The following SMARCC1 variants were observed in gnomAD, a reference collection of about 807,000 sequenced individuals.
SMARCC1 encodes the protein SWI/SNF complex subunit SMARCC1.
SMARCC1 carries 43 observed loss-of-function variants against 147.4 expected under a neutral mutation model. That is an observed-to-expected ratio of 0.29 (90% confidence interval 0.23 to 0.38). The LOEUF (loss-of-function observed/expected upper bound fraction) is 0.38. SMARCC1 is among the 10% of genes least tolerant of loss of function. The pLI is 1.00. For synonymous variants in SMARCC1, 495 were observed against 484.4 expected, an observed-to-expected ratio of 1.02 and a Z score of -0.29; for missense variants, 1,119 against 1,381.1, an observed-to-expected ratio of 0.81 and a Z score of 3.01.
At chr3:47,687,277 C>CA (rs1194201013) in intron 13 of SMARCC1, among the ~76,000 whole-genome samples, 1 of 152,062 alleles carries the variant, frequency 6.6e-6, no homozygotes, top group African/African-American at 2.4e-5. Context: ...CAGAAGCTAG[C>CA]AAAAAATATT....
chr3:47,712,603 G>A (rs561937008), intron 8 of SMARCC1, among the ~76,000 whole-genome samples: 2 of 152,144 alleles, frequency 1.3e-5, no homozygotes, highest in East Asian at 3.9e-4. Context: ...GTGAAATAAT[G>A]CGGGTATTAT....
intron 1 of SMARCC1, among the ~76,000 whole-genome samples, chr3:47,778,894 G>C (rs2035010173): frequency 6.6e-6 from 1 of 151,836 alleles, no homozygotes; most frequent in Non-Finnish European, 1.5e-5. Context: ...AGGCTGAGGT[G>C]GGAGAATCAC....
At chr3:47,665,427 G>T (rs192530157) in intron 19 of SMARCC1, among the ~76,000 whole-genome samples, 1 of 152,102 alleles carries the variant, frequency 6.6e-6, no homozygotes, top group Non-Finnish European at 1.5e-5. Flanking sequence ...TATAAATAGG[G>T]ATTTTCTAGA....
At chr3:47,623,164 C>A (rs1284574221) in intron 24 of SMARCC1, among the ~76,000 whole-genome samples, 15 of 84,994 alleles carry the variant, frequency 1.8e-4, no homozygotes, top group South Asian at 7.5e-4. Flanking sequence ...TTTAAAGAAG[C>A]AGGGTTCTTC....
chr3:47,685,796 G>A (rs1220253751), intron 14 of SMARCC1, among the ~76,000 whole-genome samples: 3 of 152,136 alleles, frequency 2.0e-5, no homozygotes, highest in Non-Finnish European at 4.4e-5. Flanking sequence ...GGCAGAGGTT[G>A]CAGTGAGTCG....
At chr3:47,755,145 A>G (rs2034680330) in intron 2 of SMARCC1, among the ~76,000 whole-genome samples, 1 of 152,144 alleles carries the variant, frequency 6.6e-6, no homozygotes, top group African/African-American at 2.4e-5. Context: ...CAGAAGGTGG[A>G]GGCTGCAGTG....
intron 9 of SMARCC1, among the ~76,000 whole-genome samples, chr3:47,708,088 T>C (rs956397036): frequency 3.6e-5 from 2 of 55,850 alleles, no homozygotes; most frequent in African/African-American, 6.3e-5. Flanking sequence ...TTTTTCTTTT[T>C]TTTTTTTTTT....
chr3:47,735,568 G>A (rs545344276), intron 5 of SMARCC1, among the ~76,000 whole-genome samples: 5 of 152,154 alleles, frequency 3.3e-5, no homozygotes, highest in East Asian at 1.9e-4. Context: ...TCAGGAGTTC[G>A]AGACCAGGCT....
chr3:47,748,050 C>T (rs1013043711), intron 2 of SMARCC1, among the ~76,000 whole-genome samples: 3 of 151,788 alleles, frequency 2.0e-5, no homozygotes, highest in African/African-American at 7.3e-5. Flanking sequence ...CCCAGCTACT[C>T]GGGAGGCTGA....
chr3:47,638,598 C>G (rs2033005256), intron 22 of SMARCC1, 127 bp downstream of exon 22: 2 of 708,644 alleles, frequency 2.8e-6, no homozygotes, highest in Admixed American at 4.6e-5. Flanking sequence ...TACCTTAAAC[C>G]AGCAAAGTCC....
At chr3:47,767,865 A>G (rs1644724268) in intron 2 of SMARCC1, among the ~76,000 whole-genome samples, 1 of 144,820 alleles carries the variant, frequency 6.9e-6, no homozygotes, top group African/African-American at 2.5e-5. Flanking sequence ...CAACAACAAA[A>G]AAACAGTGAA....
At chr3:47,751,198 G>T (rs893817283) in intron 2 of SMARCC1, among the ~76,000 whole-genome samples, 2 of 152,006 alleles carry the variant, frequency 1.3e-5, no homozygotes, top group East Asian at 1.9e-4. Flanking sequence ...GCGCCTGGCC[G>T]ACAAAGTAAC....
intron 26 of SMARCC1, among the ~76,000 whole-genome samples, chr3:47,596,239 T>G (rs1159957309): frequency 6.6e-6 from 1 of 152,128 alleles, no homozygotes. Flanking sequence ...CCTAATTTTC[T>G]GTGGGATGGA....
At chr3:47,750,392 G>A (rs972124439) in intron 2 of SMARCC1, among the ~76,000 whole-genome samples, 8 of 152,064 alleles carry the variant, frequency 5.3e-5, no homozygotes, top group African/African-American at 1.2e-4. Context: ...CCGGGATCGC[G>A]CCAGGGCACT....
intron 6 of SMARCC1, 25 bp downstream of exon 6, chr3:47,729,000 T>C (rs1336007733): frequency 1.3e-6 from 2 of 1,527,210 alleles, no homozygotes; most frequent in African/African-American, 1.4e-5. Context: ...TGAGCTCATC[T>C]GTTCACAACG....
chr3:47,704,499 G>A (rs1321144828), intron 10 of SMARCC1, among the ~76,000 whole-genome samples: 1 of 151,996 alleles, frequency 6.6e-6, no homozygotes, highest in East Asian at 1.9e-4. Context: ...ATCACATCTT[G>A]GTTCAATAAC....
At chr3:47,753,345 G>C (rs1407382783) in intron 2 of SMARCC1, among the ~76,000 whole-genome samples, 1 of 139,708 alleles carries the variant, frequency 7.2e-6, no homozygotes, top group Non-Finnish European at 1.6e-5. Flanking sequence ...AAAAAAAGAA[G>C]AAAAGAGAAG....
chr3:47,749,936 G>A (rs1442961880), intron 2 of SMARCC1, among the ~76,000 whole-genome samples: 2 of 151,526 alleles, frequency 1.3e-5, no homozygotes, highest in African/African-American at 4.9e-5. Flanking sequence ...CAAAAACTTA[G>A]CCGGGCGTGG....
intron 15 of SMARCC1, among the ~76,000 whole-genome samples, chr3:47,679,212 C>CA (rs577481119): frequency 0.064 from 6,005 of 93,368 alleles, 238 homozygotes; most frequent in Admixed American, 0.2. Context: ...GACTTTGTCT[C>CA]AAAAAAAAAA....
Sources: gnomAD v4.1 joint callset for allele counts (sites outside exome capture counted in the v4.1 genomes callset) on GRCh38, gnomAD v4.1.1 for gene constraint, MANE v1.5 for transcripts, NCBI Gene and HGNC (gene_info 2026-07-23, HGNC 2026-07-21) for gene names.